Variants in HOXB3 observed in about 807,000 individuals in gnomAD.
HOXB3 encodes homeobox protein Hox-B3.
Under a neutral mutation model 29.2 loss-of-function variants are expected in HOXB3, and 17 were observed. The ratio of observed to expected loss-of-function variants is 0.58; its 90% CI spans 0.40 to 0.87. The LOEUF (loss-of-function observed/expected upper bound fraction) is 0.87. Among genes scored for constraint, HOXB3 ranks in the 40% least tolerant of loss-of-function variants. HOXB3 has a pLI of 0.00. For synonymous variants in HOXB3, 317 were observed against 285.9 expected (o/e 1.11, Z -1.10); for missense variants, 637 against 616.3 (o/e 1.03, Z -0.35).
Position 48,552,229 on chromosome 17 carries a change from G to T in HOXB3, c.246C>A (p.Pro82=). 6.2e-7 allele frequency: 1 copy of T among 1,612,860 alleles called. No homozygotes were observed. Among genetic ancestry groups the T allele is most frequent in the South Asian group, 1.1e-5 (1 of 91,060 alleles). Residue 82 remains proline (P), a synonymous_variant, in exon 4 of 5, where the codon CCC becomes CCA. Coordinates refer to ENST00000498678, the MANE Select transcript of HOXB3 (RefSeq NM_001384749.1). ...SCMRPGLAPE[P]LSAPPGSPPP... ...GGGGTGAGCCAGGCGGGGCCGACAG[G>T]GGCTCGGGGGCCAGACCCGGCCTCA...
At chr17:48,568,102 C>T (rs1255492312) in intron 2 of HOXB3, among the ~76,000 whole-genome samples, 1 of 152,192 alleles carries the variant, frequency 6.6e-6, no homozygotes, top group African/African-American at 2.4e-5. Flanking sequence ...AAAATATTTG[C>T]CTTCAACTCC....
At position 48,551,191 on chromosome 17, in the gene HOXB3, AG is replaced by A. The variant is rs541645201; in HGVS notation, c.449-11del. 7.8e-7 allele frequency: 1 copy of A among 1,276,700 alleles called. No homozygotes were observed. Among genetic ancestry groups the A allele is most frequent in the Admixed American group, 3.2e-5 (1 of 31,484 alleles). 79.1% of individuals were successfully genotyped at this position (1,276,700 alleles called of 1,614,324 possible). On this transcript the variant is annotated splice_polypyrimidine_tract_variant and intron_variant, in intron 4 of 4. Transcript: ENST00000498678. ...CCACCACAGCCCTCTGCTGGATCCG[AG>A]GGGGAGGGGTGGGAAGGGGAGAAAA...
chr17:48,569,852 C>G (rs756313745), intron 2 of HOXB3, among the ~76,000 whole-genome samples: 1 of 152,128 alleles, frequency 6.6e-6, no homozygotes. Context: ...TGAGAATAAC[C>G]GCAAGGGGGA....
At chr17:48,552,956 T>G in intron 3 of HOXB3, 1 of 156,090 alleles carries the variant, frequency 6.4e-6, no homozygotes, top group Non-Finnish European at 1.4e-5. Context: ...TGGGATAGGA[T>G]GGCTCAAGGG....
intron 1 of HOXB3, chr17:48,580,132 G>A (rs1000232979): frequency 3.2e-6 from 1 of 310,112 alleles, no homozygotes; most frequent in African/African-American, 2.4e-5. Flanking sequence ...AGAATTTCAA[G>A]TAGCCAGTTC....
intron 2 of HOXB3, among the ~76,000 whole-genome samples, chr17:48,565,028 AG>A (rs1555638469): frequency 7.2e-5 from 1 of 13,974 alleles, no homozygotes; most frequent in Non-Finnish European, 4.8e-4. Flanking sequence ...AGTTTGAGGG[AG>A]GAGATGTGGA....
chr17:48,572,426 C>T (rs150683396), intron 2 of HOXB3, among the ~76,000 whole-genome samples: 291 of 152,288 alleles, frequency 1.9e-3, no homozygotes, highest in African/African-American at 6.8e-3. Context: ...ATGTTCAGGG[C>T]GGATAAGCCC....
At chr17:48,564,713 T>C (rs532425006) in intron 2 of HOXB3, among the ~76,000 whole-genome samples, 1 of 152,232 alleles carries the variant, frequency 6.6e-6, no homozygotes, top group East Asian at 1.9e-4. Context: ...GACTCTTCAA[T>C]GTCACCAGCG....
intron 2 of HOXB3, among the ~76,000 whole-genome samples, chr17:48,566,600 C>T (rs2069397022): frequency 6.6e-6 from 1 of 152,146 alleles, no homozygotes; most frequent in African/African-American, 2.4e-5. Context: ...GTGGGACTGG[C>T]TCTCCATGCT....
chr17:48,583,391 G>A (rs1392711719), intron 1 of HOXB3, among the ~76,000 whole-genome samples: 1 of 152,168 alleles, frequency 6.6e-6, no homozygotes, highest in Non-Finnish European at 1.5e-5. Flanking sequence ...ATTTAAAATA[G>A]TGAGATTTTC....
At chr17:48,568,224 G>T (rs2069454117) in intron 2 of HOXB3, among the ~76,000 whole-genome samples, 1 of 152,194 alleles carries the variant, frequency 6.6e-6, no homozygotes, top group African/African-American at 2.4e-5. Flanking sequence ...CTGGAGGGGA[G>T]CTGCTAAAAA....
At chr17:48,555,368 G>GA (rs1491174175) in intron 3 of HOXB3, 163 bp downstream of exon 3, 7,306 of 89,332 alleles carry the variant, frequency 0.082, 265 homozygotes, top group Admixed American at 0.14. Context: ...GAGAGAGGGA[G>GA]GGAGGGAGGG....
At chr17:48,556,557 A>T (rs889288990) in intron 2 of HOXB3, 1 of 151,674 alleles carries the variant, frequency 6.6e-6, no homozygotes, top group Admixed American at 6.6e-5. Context: ...ACTTAAAAAA[A>T]AAAAAAAAAA....
Position 48,549,868 on chromosome 17 carries a change from G to T in HOXB3, c.*466C>A. ...GTTTTGTGCCTTTTGGGTTTGAAAT[G>T]TGTTTTCTTATTTTTTAAAGGATAA... On this transcript the variant is annotated 3_prime_UTR_variant, in exon 5 of 5. Transcript: ENST00000498678. 6.3e-6 allele frequency: 1 copy of T among 159,482 alleles called. No homozygotes were observed. Among genetic ancestry groups the T allele is most frequent in the Non-Finnish European group, 1.4e-5 (1 of 72,538 alleles). The allele number at this position is 159,482 out of a possible 1,614,324, so 9.9% of individuals were successfully genotyped here. A position where few individuals can be genotyped will look rare whatever the true frequency, so the allele number is the denominator to read the frequency against.
At position 48,554,358 on chromosome 17, in the gene HOXB3, T is replaced by A; in HGVS notation, c.-159+1173A>T. The A allele has an allele frequency of 2.3e-6, 1 of 443,196 alleles. No individual in the cohort carries two copies. The highest frequency in any genetic ancestry group is 4.1e-6 in the Non-Finnish European group (1 of 245,516). 27.5% of individuals were successfully genotyped at this position (443,196 alleles called of 1,614,324 possible). ...ATAATGATGACGATGATGATGATAG[T>A]AATAATAATAAAACAATAATTTAAC... is the stretch of plus-strand genomic sequence containing the variant. On this transcript the variant is annotated intron_variant, in intron 3 of 4. Transcript: ENST00000498678. This position sits in a 1 kb window ranked among gnomAD's most constrained non-coding sequence, Gnocchi z 4.1.
rs912795082 is a variant in HOXB3 at position 48,554,374 on chromosome 17, ATAATT to A, written c.-159+1152_-159+1156del. ...TGATGATAGTAATAATAATAAAACA[ATAATT>A]TAACTAGATGCCTGGGGCCGAAATT... is the stretch of plus-strand genomic sequence containing the variant. On this transcript the variant is annotated intron_variant, in intron 3 of 4. Transcript: ENST00000498678. This position sits in a 1 kb window ranked among gnomAD's most constrained non-coding sequence, Gnocchi z 4.1. 2.0e-6 allele frequency: 1 copy of A among 495,788 alleles called. No homozygotes were observed. Among genetic ancestry groups the A allele is most frequent in the Non-Finnish European group, 3.6e-6 (1 of 277,190 alleles). The allele number at this position is 495,788 out of a possible 1,614,324, so 30.7% of individuals were successfully genotyped here.
At position 48,552,344 on chromosome 17, in the gene HOXB3, T is replaced by C; in HGVS notation, c.131A>G (p.Glu44Gly). Reference protein sequence around the residue: ...QPPFQAATHLEGDYQRSACSL... With the variant: ...QPPFQAATHLGGDYQRSACSL... ...GCAAGCTGAGCGCTGGTAGTCGCCCTCCAGGTGCGTGGCGGCCTGAAATGG... is the reference window on the plus strand; with the variant it reads ...GCAAGCTGAGCGCTGGTAGTCGCCCCCCAGGTGCGTGGCGGCCTGAAATGG... Residue 44 changes from glutamate to glycine, a missense_variant, in exon 4 of 5, where the codon GAG becomes GGG. By Grantham distance (98) the Glu-to-Gly change is moderately conservative (BLOSUM62 -2). Coordinates refer to ENST00000498678, the MANE Select transcript of HOXB3 (RefSeq NM_001384749.1). The C allele has an allele frequency of 6.2e-7, 1 of 1,613,888 alleles. No individual in the cohort carries two copies. The highest frequency in any genetic ancestry group is 8.5e-7 in the Non-Finnish European group (1 of 1,179,922).
chr17:48,557,364 A>G (rs1245025794), intron 2 of HOXB3: 2 of 152,246 alleles, frequency 1.3e-5, no homozygotes, highest in African/African-American at 2.4e-5. Flanking sequence ...CAAAGGTGAG[A>G]GTTGATTTCC....
Position 48,552,328 on chromosome 17 carries a change from G to T in HOXB3, c.147C>A (p.Arg49=), listed in dbSNP as rs763665800. 54 of 1,614,024 alleles carry T rather than the reference G, an allele frequency of 3.3e-5. No homozygotes were observed. The East Asian group carries it at 1.2e-3, about 36-fold the overall frequency. The change falls in exon 4 of 5, where the codon CGC becomes CGA. Residue 49 remains arginine (R), a synonymous_variant. Coordinates refer to ENST00000498678, the MANE Select transcript of HOXB3 (RefSeq NM_001384749.1). ...CCAGGGACTGCAGCGAGCAAGCTGA[G>T]CGCTGGTAGTCGCCCTCCAGGTGCG... ...AATHLEGDYQ[R]SACSLQSLGN... is the part of the protein sequence containing the mutation.
Sources: allele counts gnomAD v4.1 joint callset (sites outside exome capture counted in the v4.1 genomes callset), GRCh38; gene constraint gnomAD v4.1.1; non-coding constraint Gnocchi (gnomAD v3.1); transcripts MANE v1.5; gene names NCBI Gene and HGNC (gene_info 2026-07-23, HGNC 2026-07-21).